TLL1: variants seen among roughly 807,000 people sequenced by gnomAD.
The protein encoded by TLL1 is tolloid-like protein 1.
A neutral mutation model predicts 128.2 loss-of-function variants in TLL1; 49 were observed. That is an observed-to-expected ratio of 0.38 (90% confidence interval 0.30 to 0.48). TLL1 has a LOEUF of 0.48. Among genes scored for constraint, TLL1 ranks in the 20% least tolerant of loss-of-function variants. The pLI, the probability that TLL1 is intolerant of heterozygous loss-of-function variation, is 0.96. For synonymous variants in TLL1, 454 were observed against 418.8 expected, an observed-to-expected ratio of 1.08 and a Z score of -1.03; for missense variants, 1,123 against 1,242.0, an observed-to-expected ratio of 0.90 and a Z score of 1.44.
intron 1 of TLL1, among the ~76,000 whole-genome samples, chr4:165,964,246 A>C (rs1735261334): frequency 1.3e-5 from 2 of 152,188 alleles, no homozygotes; most frequent in African/African-American, 4.8e-5. Flanking sequence ...AGTTTTTCAA[A>C]ATCAGGGGAA....
chr4:165,974,096 C>T (rs568664190), intron 1 of TLL1, among the ~76,000 whole-genome samples: 3 of 147,536 alleles, frequency 2.0e-5, no homozygotes, highest in South Asian at 4.3e-4. Flanking sequence ...AGGCCAACTG[C>T]ACTCTGTAAC....
chr4:166,080,104 G>C (rs941329019), intron 18 of TLL1, among the ~76,000 whole-genome samples: 1 of 152,086 alleles, frequency 6.6e-6, no homozygotes, highest in Non-Finnish European at 1.5e-5. Flanking sequence ...GGAGGCTAGA[G>C]GTCCAAGATT....
chr4:166,022,483 A>G (rs1222288467), intron 8 of TLL1, among the ~76,000 whole-genome samples: 1 of 152,040 alleles, frequency 6.6e-6, no homozygotes, highest in African/African-American at 2.4e-5. Flanking sequence ...GGCCAAGTTT[A>G]TCTGTTGCTT....
rs1742376108 is a variant in TLL1 at position 166,103,421 on chromosome 4, A to G, written c.*2545A>G. 6.6e-6 allele frequency: 1 copy of G among 151,824 alleles called. No homozygotes were observed. Among genetic ancestry groups the G allele is most frequent in the Non-Finnish European group, 1.5e-5 (1 of 67,862 alleles). The allele number at this position is 151,824 out of a possible 1,614,324, so 9.4% of individuals were successfully genotyped here. On this transcript the variant is annotated 3_prime_UTR_variant, in exon 21 of 21. Transcript: ENST00000061240. ...GTATGAGCCTTTTGTGAAAATAAATATATTAAATTATTTTGCCTGATGTGG... is the reference window on the plus strand; with the variant it reads ...GTATGAGCCTTTTGTGAAAATAAATGTATTAAATTATTTTGCCTGATGTGG...
Position 165,873,750 on chromosome 4 carries a change from A to G in TLL1, c.-155A>G. 3 of 727,692 alleles carry G rather than the reference A, an allele frequency of 4.1e-6. No homozygotes were observed. Among genetic ancestry groups the G allele is most frequent in the Non-Finnish European group, 7.0e-6 (3 of 431,140 alleles). 45.1% of individuals were successfully genotyped at this position (727,692 alleles called of 1,614,324 possible). On this transcript the variant is annotated 5_prime_UTR_variant, in exon 1 of 21. Transcript: ENST00000061240. ...TTGCCCTCTCTACTGTCCCGGCGGC[A>G]TCCACATGTTTCCGGACACCTGAGC...
intron 12 of TLL1, among the ~76,000 whole-genome samples, chr4:166,054,796 T>C (rs1439456612): frequency 6.6e-6 from 1 of 152,082 alleles, no homozygotes; most frequent in Admixed American, 6.6e-5. Context: ...CTACTTGTAG[T>C]TTAATTTTCT....
At chr4:165,992,488 A>G (rs559512789) in intron 2 of TLL1, among the ~76,000 whole-genome samples, 2 of 152,156 alleles carry the variant, frequency 1.3e-5, no homozygotes, top group African/African-American at 4.8e-5. Flanking sequence ...CTGTCATTCT[A>G]TGTAGCACTA....
At chr4:166,008,544 C>G (rs1737541896) in intron 7 of TLL1, among the ~76,000 whole-genome samples, 3 of 151,374 alleles carry the variant, frequency 2.0e-5, no homozygotes, top group Non-Finnish European at 4.4e-5. Flanking sequence ...AATGAATTGT[C>G]AAATAACAAA....
intron 5 of TLL1, among the ~76,000 whole-genome samples, chr4:165,996,115 A>G (rs982407842): frequency 1.3e-5 from 2 of 152,212 alleles, no homozygotes; most frequent in Non-Finnish European, 2.9e-5. Flanking sequence ...AATCTTTCAC[A>G]TCTTTCATTC....
chr4:165,953,739 G>A (rs2110944931), intron 1 of TLL1, among the ~76,000 whole-genome samples: 1 of 151,886 alleles, frequency 6.6e-6, no homozygotes, highest in South Asian at 2.1e-4. Context: ...ACACTGGAGT[G>A]TACTTTTCTT....
At chr4:165,938,536 C>T (rs1233380776) in intron 1 of TLL1, among the ~76,000 whole-genome samples, 2 of 152,092 alleles carry the variant, frequency 1.3e-5, no homozygotes, top group Non-Finnish European at 2.9e-5. Context: ...ACTTGGTCTT[C>T]TGGATGAATT....
intron 19 of TLL1, among the ~76,000 whole-genome samples, chr4:166,095,913 A>G (rs1741995688): frequency 2.0e-5 from 3 of 152,112 alleles, no homozygotes. Flanking sequence ...GAATAGGTAG[A>G]TTTGATGAAA....
intron 2 of TLL1, among the ~76,000 whole-genome samples, chr4:165,989,762 C>T (rs1360231322): frequency 1.3e-5 from 2 of 151,224 alleles, no homozygotes; most frequent in Admixed American, 1.3e-4. Context: ...TTCATGACAA[C>T]CCCCTCAGGG....
chr4:166,050,755 T>C (rs1037136834), intron 12 of TLL1, among the ~76,000 whole-genome samples: 2 of 152,146 alleles, frequency 1.3e-5, no homozygotes, highest in African/African-American at 4.8e-5. Context: ...TCTGTACAGG[T>C]TGGCAGGTTT....
intron 9 of TLL1, among the ~76,000 whole-genome samples, chr4:166,034,005 T>C (rs1006428574): frequency 2.6e-5 from 4 of 152,194 alleles, no homozygotes; most frequent in African/African-American, 7.2e-5. Context: ...TTTACACATA[T>C]GGAGTGAATT....
intron 7 of TLL1, among the ~76,000 whole-genome samples, chr4:166,009,546 A>G (rs1295254946): frequency 6.6e-6 from 1 of 151,442 alleles, no homozygotes; most frequent in Admixed American, 6.6e-5. Flanking sequence ...TTATGAGTTG[A>G]ATGCCAATCA....
chr4:166,022,255 C>G (rs1738277144), intron 8 of TLL1, among the ~76,000 whole-genome samples: 1 of 151,674 alleles, frequency 6.6e-6, no homozygotes, highest in Non-Finnish European at 1.5e-5. Context: ...ATCTCTGCCT[C>G]CCGGGTTCAA....
intron 1 of TLL1, among the ~76,000 whole-genome samples, chr4:165,978,005 C>T (rs766501378): frequency 7.2e-5 from 11 of 152,048 alleles, no homozygotes; most frequent in Admixed American, 2.6e-4. Flanking sequence ...TGTTTCAATC[C>T]AATCAATTAT....
chr4:166,084,421 G>A (rs912787530), intron 18 of TLL1, among the ~76,000 whole-genome samples: 57 of 151,928 alleles, frequency 3.8e-4, no homozygotes, highest in Admixed American at 1.8e-3. Context: ...TGCTTTCATC[G>A]TCTGTGTTTT....
Sources: gnomAD v4.1 joint callset for allele counts (sites outside exome capture counted in the v4.1 genomes callset) on GRCh38, gnomAD v4.1.1 for gene constraint, MANE v1.5 for transcripts, NCBI Gene and HGNC (gene_info 2026-07-23, HGNC 2026-07-21) for gene names.